The following CACNA1E variants were observed in gnomAD, a reference collection of about 807,000 sequenced individuals.
CACNA1E encodes the protein calcium voltage-gated channel subunit alpha1 E, also known as voltage-dependent R-type calcium channel subunit alpha-1E.
A neutral mutation model predicts 259.2 loss-of-function variants in CACNA1E; 40 were observed. The observed-to-expected ratio is 0.15, with a 90% CI of 0.12 to 0.20. The LOEUF (loss-of-function observed/expected upper bound fraction) is 0.20, where lower values mean the gene tolerates loss of function less well. CACNA1E is among the 10% of genes least tolerant of loss of function. CACNA1E has a pLI of 1.00. For synonymous variants in CACNA1E, 1,104 were observed against 1,138.5 expected (o/e 0.97, Z 0.61); for missense variants, 1,874 against 3,040.1 (o/e 0.62, Z 9.02).
At chr1:181,602,183 T>C (rs1274686508) in intron 6 of CACNA1E, among the ~76,000 whole-genome samples, 2 of 152,190 alleles carry the variant, frequency 1.3e-5, no homozygotes, top group Non-Finnish European at 2.9e-5. Flanking sequence ...GCCTGTTTAT[T>C]TTGTCTATTG....
chr1:181,455,678 A>C (rs954420848), intron 2 of CACNA1E, among the ~76,000 whole-genome samples: 1 of 152,228 alleles, frequency 6.6e-6, no homozygotes, highest in African/African-American at 2.4e-5. Context: ...AAAAACAGGC[A>C]TACAAGAGCA....
In CACNA1E at chr1:181,550,932, T is replaced by C. The variant is rs548025945; in HGVS notation, c.513-26834T>C. On this transcript the variant is annotated intron_variant, in intron 3 of 47. Coordinates refer to ENST00000367573, the MANE Select transcript of CACNA1E (RefSeq NM_001205293.3). Reference sequence around the variant, plus strand: ...TTGGAAGGCAAGCTTTATTTCTACATAGATTGAAAGTATTATTATTATTAC... The same window carrying C: ...TTGGAAGGCAAGCTTTATTTCTACACAGATTGAAAGTATTATTATTATTAC... 3.9e-5 allele frequency among the ~76,000 whole-genome samples: 6 copies of C among 152,100 alleles called. No homozygotes were observed. The East Asian group carries it at 9.7e-4, about 25-fold the overall frequency.
chr1:181,669,367 A>T (rs1648566245), intron 7 of CACNA1E, among the ~76,000 whole-genome samples: 1 of 152,206 alleles, frequency 6.6e-6, no homozygotes, highest in East Asian at 1.9e-4. Context: ...CACACGGCTC[A>T]CTGTTCCCGG....
Position 181,798,858 on chromosome 1 carries a change from T to G in CACNA1E, c.*24T>G, listed in dbSNP as rs758621474. 1 of 1,486,452 alleles carries G rather than the reference T, an allele frequency of 6.7e-7. No homozygotes were observed. Among genetic ancestry groups the G allele is most frequent in the Admixed American group, 2.2e-5 (1 of 44,918 alleles). The allele number at this position is 1,486,452 out of a possible 1,614,324, so 92.1% of individuals were successfully genotyped here. A position where few individuals can be genotyped will look rare whatever the true frequency, so the allele number is the denominator to read the frequency against. On this transcript the variant is annotated 3_prime_UTR_variant, in exon 48 of 48. Coordinates refer to ENST00000367573, the MANE Select transcript of CACNA1E (RefSeq NM_001205293.3). This position sits in a 1 kb window ranked among gnomAD's most constrained non-coding sequence, Gnocchi z 4.2. Reference sequence around the variant, plus strand: ...AGAGGCTGCTCCCCCCTCCGATGCATGCTCTTCTCTCACATGGAGAAAACC... The same window carrying G: ...AGAGGCTGCTCCCCCCTCCGATGCAGGCTCTTCTCTCACATGGAGAAAACC...
At chr1:181,789,105 C>T (rs1256883440) in intron 43 of CACNA1E, among the ~76,000 whole-genome samples, 1 of 152,206 alleles carries the variant, frequency 6.6e-6, no homozygotes, top group Non-Finnish European at 1.5e-5. Flanking sequence ...AAGCTATCTT[C>T]CCGGTTCGGC....
chr1:181,701,405 A>G (rs887516481), intron 7 of CACNA1E, among the ~76,000 whole-genome samples: 2 of 128,518 alleles, frequency 1.6e-5, no homozygotes, highest in Non-Finnish European at 3.5e-5. Context: ...AAAGAAGAAT[A>G]TGAAATGCTC....
chr1:181,733,644 C>G lies in CACNA1E; in HGVS notation c.3156C>G (p.Asp1052Glu). 1 of 1,613,142 alleles carries G rather than the reference C, an allele frequency of 6.2e-7. No individual in the cohort carries two copies. Among genetic ancestry groups the G allele is most frequent in the Non-Finnish European group, 8.5e-7 (1 of 1,179,588 alleles). ...GGGTCATCAGCCAGAGCGAGCCTGACCTCTCCTGCATCACGGCCAACACGG... is the reference window on the plus strand; with the variant it reads ...GGGTCATCAGCCAGAGCGAGCCTGAGCTCTCCTGCATCACGGCCAACACGG... ...MGRVISQSEP[D>E]LSCITANTDK... Residue 1052 changes from aspartate to glutamate, a missense_variant, in exon 21 of 48, where the codon GAC (aspartate) becomes GAG (glutamate). This residue lies in a region of CACNA1E where 476 missense variants were observed against 514.0 expected (regional missense o/e 0.93). Coordinates refer to ENST00000367573, the MANE Select transcript of CACNA1E (RefSeq NM_001205293.3).
In CACNA1E at chr1:181,798,537, C is replaced by T. The variant is rs760207202; in HGVS notation, c.6645C>T (p.His2215=). 6.2e-7 allele frequency: 1 copy of T among 1,613,836 alleles called. No individual in the cohort carries two copies. The highest frequency in any genetic ancestry group is 1.1e-5 in the South Asian group (1 of 91,082). The change falls in exon 48 of 48, where the codon CAC becomes CAT. Residue 2215 remains histidine, a synonymous_variant. Transcript: ENST00000367573. The surrounding 1 kb of genome is among the most constrained non-coding windows in gnomAD (Gnocchi z 4.2). The stretch of plus-strand genomic sequence containing the variant: ...TGACCGAGTCTTCCAACTCTCCGCA[C>T]CCCCAGCAGAGCCAACATGCCTCCC... ...ACLTESSNSP[H]PQQSQHASPQ...
chr1:181,482,241 G>T (rs1185223470), upstream of CACNA1E, among the ~76,000 whole-genome samples: 1 of 152,238 alleles, frequency 6.6e-6, no homozygotes, highest in African/African-American at 2.4e-5. Flanking sequence ...GCGCGCAAAG[G>T]CCCCGACACC....
chr1:181,587,980 G>C lies in CACNA1E; in HGVS notation c.951+7204G>C, dbSNP rs545489795. 1.6e-4 allele frequency among the ~76,000 whole-genome samples: 25 copies of C among 152,376 alleles called. No individual in the cohort carries two copies. The South Asian group carries it at 3.7e-3, about 23-fold the overall frequency. On this transcript the variant is annotated intron_variant, in intron 6 of 47. Transcript: ENST00000367573. The stretch of plus-strand genomic sequence containing the variant: ...GTTGAGAAACCTGTCTCACTGCATA[G>C]AAGTAGGGAGTGGGTTTTGAAACCA...
Position 181,724,359 on chromosome 1 carries a change from T to C in CACNA1E, c.2075-111T>C, listed in dbSNP as rs555340366. Reference sequence around the variant, plus strand: ...CCCCTGCTTAAGTGACTCTTCAGGGTAGCTTCTGTTCCTGTTAATGTCCCA... The same window carrying C: ...CCCCTGCTTAAGTGACTCTTCAGGGCAGCTTCTGTTCCTGTTAATGTCCCA... On this transcript the variant is annotated intron_variant, in intron 16 of 47. Transcript: ENST00000367573. 1.4e-5 allele frequency: 11 copies of C among 770,116 alleles called. No individual in the cohort carries two copies. In the African/African-American group the frequency reaches 1.5e-4, roughly 11 times the overall value. The allele number at this position is 770,116 out of a possible 1,614,324, so 47.7% of individuals were successfully genotyped here.
At chr1:181,373,600 C>G (rs572509092) in intron 1 of CACNA1E, among the ~76,000 whole-genome samples, 22 of 147,784 alleles carry the variant, frequency 1.5e-4, no homozygotes, top group East Asian at 1.4e-3. Flanking sequence ...TGCAGTGGCG[C>G]AATCTCGGCT....
intron 1 of CACNA1E, among the ~76,000 whole-genome samples, chr1:181,342,344 A>G (rs780777738): frequency 2.0e-5 from 3 of 152,164 alleles, no homozygotes; most frequent in Non-Finnish European, 2.9e-5. Context: ...GAGGAGTGAC[A>G]GGCTCTGATC....
At chr1:181,717,373 G>T (rs780384169) in intron 11 of CACNA1E, 71 bp downstream of exon 11, 2 of 1,271,264 alleles carry the variant, frequency 1.6e-6, no homozygotes, top group Non-Finnish European at 2.3e-6. Flanking sequence ...GTGTGTGAAC[G>T]CAAGACAGCA....
chr1:181,651,208 A>C, intron 6 of CACNA1E, 130 bp from the exon 7 acceptor site: 1 of 611,634 alleles, frequency 1.6e-6, no homozygotes, highest in Non-Finnish European at 2.9e-6. Context: ...CAAATTGGGA[A>C]TGGAGTAAGG....
At chr1:181,543,505 A>G (rs1668753271) in intron 3 of CACNA1E, among the ~76,000 whole-genome samples, 1 of 152,200 alleles carries the variant, frequency 6.6e-6, no homozygotes, top group Admixed American at 6.5e-5. Flanking sequence ...AGCCTTTATG[A>G]TGGGAATAGT....
chr1:181,488,255 TA>T lies in CACNA1E; in HGVS notation c.266+4247del, dbSNP rs1331588008. On this transcript the variant is annotated intron_variant, in intron 1 of 47. Coordinates refer to ENST00000367573, the MANE Select transcript of CACNA1E (RefSeq NM_001205293.3). ...GCAGGATAGTAGACTGAGGTCCCGG[TA>T]AGAATTTCAGGTTTGATGTAACTAG... is the stretch of plus-strand genomic sequence containing the variant. Among the ~76,000 whole-genome samples, 5 of 152,360 alleles carry T rather than the reference TA, an allele frequency of 3.3e-5. No individual in the cohort carries two copies. The East Asian group carries it at 9.6e-4, about 29-fold the overall frequency.
intron 7 of CACNA1E, among the ~76,000 whole-genome samples, chr1:181,667,022 CAAT>C (rs535924195): frequency 3.3e-5 from 5 of 152,006 alleles, no homozygotes; most frequent in African/African-American, 9.6e-5. Context: ...TTATGCAAAT[CAAT>C]AAGCCATAAA....
intron 7 of CACNA1E, among the ~76,000 whole-genome samples, chr1:181,699,167 A>T (rs1228231274): frequency 6.6e-6 from 1 of 152,192 alleles, no homozygotes; most frequent in Non-Finnish European, 1.5e-5. Flanking sequence ...TGTACTTCTG[A>T]ACGTTCTGAT....
Sources: gnomAD v4.1 joint callset for allele counts (sites outside exome capture counted in the v4.1 genomes callset) on GRCh38, gnomAD v4.1.1 for gene constraint, gnomAD v4.1.1 regional missense constraint, Gnocchi (gnomAD v3.1) non-coding constraint, MANE v1.5 for transcripts, NCBI Gene and HGNC (gene_info 2026-07-23, HGNC 2026-07-21) for gene names.